Variants in LRRC4B observed in about 807,000 individuals in gnomAD.
The protein encoded by LRRC4B is leucine rich repeat containing 4B.
LRRC4B carries 1 observed loss-of-function variant against 7.3 expected under a neutral mutation model. The ratio of observed to expected loss-of-function variants is 0.14; its 90% CI spans 0.05 to 0.65. The LOEUF (loss-of-function observed/expected upper bound fraction) is 0.65, where lower values mean the gene tolerates loss of function less well. Among genes scored for constraint, LRRC4B ranks in the 30% least tolerant of loss-of-function variants. The probability of loss-of-function intolerance (pLI) is 0.84; values close to 1 mark genes in which losing one functional copy is unlikely to be tolerated. For synonymous variants in LRRC4B, 500 were observed against 499.2 expected (o/e 1.00, Z -0.02); for missense variants, 730 against 1,041.6 (o/e 0.70, Z 4.12).
chr19:50,537,692 A>G lies in LRRC4B; in HGVS notation c.297+10850T>C, dbSNP rs540928162. On this transcript the variant is annotated intron_variant, in intron 2 of 2. Transcript: ENST00000652263. The surrounding 1 kb of genome is among the most constrained non-coding windows in gnomAD (Gnocchi z 5.5). ...GCCCGGCCGACTGTTCTTTTCTGTA[A>G]GTGTGCTGTGAGTCATCATGAGAAA... 5.1e-4 allele frequency among the ~76,000 whole-genome samples: 78 copies of G among 151,902 alleles called. No homozygotes were observed. The highest frequency in any genetic ancestry group is 1.8e-3 in the African/African-American group (73 of 41,416).
At position 50,516,926 on chromosome 19, in the gene LRRC4B, C is replaced by T. The variant is rs1980281269; in HGVS notation, c.*645G>A. 6.6e-6 allele frequency: 1 copy of T among 151,606 alleles called. No individual in the cohort carries two copies. Among genetic ancestry groups the T allele is most frequent in the South Asian group, 2.1e-4 (1 of 4,806 alleles). 9.4% of individuals were successfully genotyped at this position (151,606 alleles called of 1,614,324 possible). A position where few individuals can be genotyped will look rare whatever the true frequency, so the allele number is the denominator to read the frequency against. ...CAAAAAAAATATTTTTTTACTTTTT[C>T]CATGTTTTTTTTTTAAAGTAATTAC... On this transcript the variant is annotated 3_prime_UTR_variant, in exon 3 of 3. Coordinates refer to ENST00000652263, the MANE Select transcript of LRRC4B (RefSeq NM_001080457.2).
intron 2 of LRRC4B, among the ~76,000 whole-genome samples, chr19:50,535,059 A>T (rs187382459): frequency 6.6e-6 from 1 of 151,878 alleles, no homozygotes; most frequent in African/African-American, 2.4e-5. Context: ...TAGTAGAGAC[A>T]GGGTTTCACT....
intron 2 of LRRC4B, among the ~76,000 whole-genome samples, chr19:50,520,203 CAAAA>C (rs1173919963): frequency 3.2e-4 from 3 of 9,372 alleles, no homozygotes; most frequent in Non-Finnish European, 5.7e-4. Flanking sequence ...AATACCCTGT[CAAAA>C]AAAAAAAAAA....
Position 50,518,756 on chromosome 19 carries a change from C to G in LRRC4B, c.957G>C (p.Val319=). 1.2e-6 allele frequency: 2 copies of G among 1,614,092 alleles called. No homozygotes were observed. The highest frequency in any genetic ancestry group is 1.3e-5 in the African/African-American group (1 of 75,062). Residue 319 remains valine, a synonymous_variant, in exon 3 of 3, where the codon GTG becomes GTC. Transcript: ENST00000652263. ...NHNPWHCNCD[V]LWLSWWLKET... ...CCTTGAGCCACCAGCTCAGCCAGAGCACGTCGCAGTTGCAATGCCAGGGGT... is the reference window on the plus strand; with the variant it reads ...CCTTGAGCCACCAGCTCAGCCAGAGGACGTCGCAGTTGCAATGCCAGGGGT...
chr19:50,541,368 C>CAAAAAAAAA (rs71332010), intron 2 of LRRC4B, among the ~76,000 whole-genome samples: 5 of 74,996 alleles, frequency 6.7e-5, no homozygotes, highest in African/African-American at 1.9e-4. Context: ...GACTCTATCT[C>CAAAAAAAAA]AAAAAAAAAA....
chr19:50,528,283 C>T (rs1274650116), intron 2 of LRRC4B, among the ~76,000 whole-genome samples: 1 of 150,810 alleles, frequency 6.6e-6, no homozygotes, highest in Admixed American at 6.6e-5. Context: ...TTGAGCAATC[C>T]TCTTGCCTCA....
At position 50,563,849 on chromosome 19, in the gene LRRC4B, A is replaced by G. The variant is rs187744380; in HGVS notation, c.-36+4095T>C. On this transcript the variant is annotated intron_variant, in intron 1 of 2. Transcript: ENST00000652263. This position sits in a 1 kb window ranked among gnomAD's most constrained non-coding sequence, Gnocchi z 4.9. Reference sequence around the variant, plus strand: ...TGTGCTCTGCGTCCTGGCAGTCTTAAGAACCACTTCTCCCAGAGAAGGATA... The same window carrying G: ...TGTGCTCTGCGTCCTGGCAGTCTTAGGAACCACTTCTCCCAGAGAAGGATA... 6.6e-6 allele frequency among the ~76,000 whole-genome samples: 1 copy of G among 152,350 alleles called. No individual in the cohort carries two copies. Among genetic ancestry groups the G allele is most frequent in the East Asian group, 1.9e-4 (1 of 5,188 alleles).
intron 2 of LRRC4B, among the ~76,000 whole-genome samples, chr19:50,533,563 A>G (rs1023260374): frequency 6.6e-6 from 1 of 152,180 alleles, no homozygotes; most frequent in Non-Finnish European, 1.5e-5. Flanking sequence ...AAATGATACA[A>G]AGACCAAAGA....
intron 1 of LRRC4B, among the ~76,000 whole-genome samples, chr19:50,564,087 T>C (rs568015295): frequency 7.5e-4 from 114 of 151,730 alleles, no homozygotes; most frequent in African/African-American, 2.4e-3. Context: ...ACAGCAGAGG[T>C]TGCAAACTCC....
Position 50,533,416 on chromosome 19 carries a change from A to G in LRRC4B, c.298-14001T>C, listed in dbSNP as rs970311936. On this transcript the variant is annotated intron_variant, in intron 2 of 2. Transcript: ENST00000652263. The stretch of plus-strand genomic sequence containing the variant: ...TAATTCTTCTCTTCTCCTCCCAAAT[A>G]ATACACAGACCAAAGACCAGTTAAT... 5.3e-5 allele frequency among the ~76,000 whole-genome samples: 8 copies of G among 152,240 alleles called. No individual in the cohort carries two copies. The East Asian group carries it at 1.5e-3, about 29-fold the overall frequency.
At chr19:50,536,098 G>A (rs11669840) in intron 2 of LRRC4B, among the ~76,000 whole-genome samples, 12,379 of 151,426 alleles carry the variant, frequency 0.082, 592 homozygotes, top group Middle Eastern at 0.13. Context: ...GCAGCCCCCC[G>A]CCAGCTCGTG....
In LRRC4B at chr19:50,564,005, G is replaced by A. The variant is rs185714037; in HGVS notation, c.-36+3939C>T. 2.6e-3 allele frequency among the ~76,000 whole-genome samples: 400 copies of A among 152,262 alleles called. 9 individuals carry two copies. The highest frequency in any genetic ancestry group is 0.023 in the Admixed American group (352 of 15,286). ...GAGGGGCAGAGAGAGGACCCGGCAA[G>A]GGAAACCAAGGGAAGGAGAGTGGAG... is the stretch of plus-strand genomic sequence containing the variant. On this transcript the variant is annotated intron_variant, in intron 1 of 2. Transcript: ENST00000652263.
chr19:50,552,692 C>CCATT (rs1568734112), intron 1 of LRRC4B, among the ~76,000 whole-genome samples: 11 of 133,004 alleles, frequency 8.3e-5, no homozygotes, highest in African/African-American at 2.5e-4. Context: ...ATCCATCCGT[C>CCATT]CATCCATCCG....
chr19:50,518,201 C>T lies in LRRC4B; in HGVS notation c.1512G>A (p.Leu504=). 1.9e-6 allele frequency: 3 copies of T among 1,608,974 alleles called. No individual in the cohort carries two copies. The highest frequency in any genetic ancestry group is 2.5e-6 in the Non-Finnish European group (3 of 1,178,884). ...TLETQPGEEA[L]QPRGTEKEPP... is the part of the protein sequence containing the mutation. ...GTTCCTTCTCCGTCCCCCGCGGCTG[C>T]AGGGCCTCCTCTCCGGGCTGCGTCT... Residue 504 remains leucine, a synonymous_variant, in exon 3 of 3, where the codon CTG becomes CTA. Coordinates refer to ENST00000652263, the MANE Select transcript of LRRC4B (RefSeq NM_001080457.2).
chr19:50,521,522 G>A (rs1980578741), intron 2 of LRRC4B, among the ~76,000 whole-genome samples: 1 of 152,208 alleles, frequency 6.6e-6, no homozygotes, highest in Non-Finnish European at 1.5e-5. Flanking sequence ...CCGCCTTCCA[G>A]GTTCTAGCGA....
intron 2 of LRRC4B, among the ~76,000 whole-genome samples, chr19:50,524,727 A>G (rs1268791532): frequency 6.6e-6 from 1 of 152,204 alleles, no homozygotes; most frequent in Non-Finnish European, 1.5e-5. Context: ...TACACTCTTT[A>G]TGGTGGAGCT....
At chr19:50,520,576 A>C (rs996682058) in intron 2 of LRRC4B, among the ~76,000 whole-genome samples, 14 of 151,478 alleles carry the variant, frequency 9.2e-5, no homozygotes, top group African/African-American at 3.4e-4. Flanking sequence ...GTTGCAGTGA[A>C]CTGAGATTGT....
In LRRC4B at chr19:50,568,433, A is replaced by G. The variant is rs1200930758; in HGVS notation, c.-525T>C. 7.2e-6 allele frequency among the ~76,000 whole-genome samples: 1 copy of G among 138,588 alleles called. No homozygotes were observed. The highest frequency in any genetic ancestry group is 1.6e-5 in the Non-Finnish European group (1 of 63,960). The allele number at this position is 138,588 out of a possible 152,430, so 90.9% of individuals were successfully genotyped here. On this transcript the variant is annotated 5_prime_UTR_variant, in exon 1 of 3. Coordinates refer to ENST00000652263, the MANE Select transcript of LRRC4B (RefSeq NM_001080457.2). ...AGAGCGGCGGAGACGGGAGCGGAATACTGATGATGGTGGGAGCGGGCGGGC... is the reference window on the plus strand; with the variant it reads ...AGAGCGGCGGAGACGGGAGCGGAATGCTGATGATGGTGGGAGCGGGCGGGC...
At chr19:50,546,663 G>A (rs1303952172) in intron 2 of LRRC4B, among the ~76,000 whole-genome samples, 1 of 152,102 alleles carries the variant, frequency 6.6e-6, no homozygotes, top group Non-Finnish European at 1.5e-5. Context: ...GCCTGTGCAT[G>A]ACTTATCATA....
Sources: gnomAD v4.1 joint callset for allele counts (sites outside exome capture counted in the v4.1 genomes callset) on GRCh38, gnomAD v4.1.1 for gene constraint, Gnocchi (gnomAD v3.1) non-coding constraint, MANE v1.5 for transcripts, NCBI Gene and HGNC (gene_info 2026-07-23, HGNC 2026-07-21) for gene names.